Variants in DST observed in about 807,000 individuals in gnomAD.
DST encodes the protein dystonin, also known as bullous pemphigoid antigen.
A neutral mutation model predicts 875.2 loss-of-function variants in DST; 253 were observed. That is an observed-to-expected ratio of 0.29 (90% CI 0.26 to 0.32). The LOEUF is 0.32. Ranked by LOEUF, DST falls within the 10% of genes least tolerant of loss-of-function variation. The probability of loss-of-function intolerance (pLI) is 1.00; values close to 1 mark genes in which losing one functional copy is unlikely to be tolerated. For missense variants in DST, 8,287 were observed against 9,111.6 expected, an observed-to-expected ratio of 0.91 and a Z score of 3.68; for synonymous variants, 3,124 against 3,197.1, an observed-to-expected ratio of 0.98 and a Z score of 0.77.
rs181653139 is a variant in DST, at chr6:56,690,649, T to C, written c.1047+9004A>G. On this transcript the variant is annotated intron_variant, in intron 9 of 103. Coordinates refer to ENST00000680361, the MANE Select transcript of DST (RefSeq NM_001374736.1). Reference sequence around the variant, plus strand: ...AAAAACTGATCACATAGGGAAGCTATGAAAAAGAACAAACAAAAGGAATGT... The same window carrying C: ...AAAAACTGATCACATAGGGAAGCTACGAAAAAGAACAAACAAAAGGAATGT... 5.8e-4 allele frequency among the ~76,000 whole-genome samples: 88 copies of C among 152,288 alleles called. 1 individual carries two copies. Among genetic ancestry groups the C allele is most frequent in the Non-Finnish European group, 1.2e-4 (8 of 68,006 alleles).
intron 4 of DST, among the ~76,000 whole-genome samples, chr6:56,763,684 T>TACAAAC (rs1554721699): frequency 8.5e-6 from 1 of 117,068 alleles, no homozygotes; most frequent in Non-Finnish European, 1.7e-5. Context: ...AAAATACCTA[T>TACAAAC]ACACACACAC....
intron 49 of DST, among the ~76,000 whole-genome samples, chr6:56,587,363 AAAG>A (rs1204012828): frequency 1.3e-5 from 2 of 152,226 alleles, no homozygotes; most frequent in Admixed American, 1.3e-4. Flanking sequence ...TTCAGAGAAA[AAAG>A]AATAAAAAGA....
chr6:56,501,510 TG>T lies in DST; in HGVS notation c.19740+9del. ...ATTTATAATTTCTTAAGAAAAGTCT[TG>T]GTATTTACCTGTCTGTTGATGATTC... On this transcript the variant is annotated intron_variant, in intron 79 of 103. Transcript: ENST00000680361. The T allele has an allele frequency of 2.7e-6, 4 of 1,494,928 alleles. No homozygotes were observed. Among genetic ancestry groups the T allele is most frequent in the Non-Finnish European group, 3.6e-6 (4 of 1,124,740 alleles). The allele number at this position is 1,494,928 out of a possible 1,614,324, so 92.6% of individuals were successfully genotyped here. A position where few individuals can be genotyped will look rare whatever the true frequency, so the allele number is the denominator to read the frequency against.
At chr6:56,498,200 G>T in intron 80 of DST, 147 bp from the exon 81 acceptor site, 1 of 749,216 alleles carries the variant, frequency 1.3e-6, no homozygotes, top group South Asian at 2.1e-5. Context: ...AAGAGATGGG[G>T]TCTTACTCTG....
At chr6:56,507,757 C>T (rs1312208360) in intron 75 of DST, among the ~76,000 whole-genome samples, 3 of 152,152 alleles carry the variant, frequency 2.0e-5, no homozygotes, top group Non-Finnish European at 4.4e-5. Flanking sequence ...GAAACATAGG[C>T]ATGAGCTAGG....
chr6:56,716,021 G>A (rs879365438), intron 5 of DST, among the ~76,000 whole-genome samples: 14 of 152,110 alleles, frequency 9.2e-5, no homozygotes, highest in African/African-American at 9.7e-5. Context: ...TTTCTCCTAT[G>A]AATCTGTCTG....
At chr6:56,492,161 C>A in intron 85 of DST, 66 bp downstream of exon 85, 2 of 1,339,800 alleles carry the variant, frequency 1.5e-6, no homozygotes, top group Non-Finnish European at 1.1e-6. Context: ...ACATCCATAA[C>A]ATATATTTCA....
intron 2 of DST, among the ~76,000 whole-genome samples, chr6:56,934,560 T>TATATATATA (rs1554267212): frequency 1.5e-4 from 16 of 106,484 alleles, no homozygotes; most frequent in African/African-American, 5.3e-4. Context: ...ATATATTATA[T>TATATATATA]TATATATATA....
At chr6:56,788,327 A>C (rs1161698587) in intron 4 of DST, among the ~76,000 whole-genome samples, 1 of 151,210 alleles carries the variant, frequency 6.6e-6, no homozygotes, top group Non-Finnish European at 1.5e-5. Context: ...TTAGCCTCCC[A>C]AGTAGTTGGG....
At chr6:56,904,223 G>C (rs1218178548) in intron 2 of DST, among the ~76,000 whole-genome samples, 1 of 152,176 alleles carries the variant, frequency 6.6e-6, no homozygotes, top group Non-Finnish European at 1.5e-5. Context: ...GTGGAAATAG[G>C]AAAATGAGTC....
At chr6:56,708,337 TATAAA>T (rs1455182601) in intron 5 of DST, among the ~76,000 whole-genome samples, 2 of 152,124 alleles carry the variant, frequency 1.3e-5, no homozygotes, top group African/African-American at 2.4e-5. Flanking sequence ...TTAGAAAATG[TATAAA>T]ATAAAAGCTA....
chr6:56,513,232 C>CTTT (rs5876513), intron 72 of DST, among the ~76,000 whole-genome samples: 3 of 142,104 alleles, frequency 2.1e-5, no homozygotes, highest in African/African-American at 2.6e-5. Context: ...TGAGAGGAGC[C>CTTT]TTTTTTTTTT....
rs1398204087 is a variant in DST, at chr6:56,897,986, G to C, written c.417+2435C>G. Among the ~76,000 whole-genome samples, 4 of 152,288 alleles carry C rather than the reference G, an allele frequency of 2.6e-5. No homozygotes were observed. In the East Asian group the frequency reaches 7.7e-4, roughly 29 times the overall value. ...CCCTTAGACCAGGAGTTGAAGGTAA[G>C]TAGGCTCCACCTATAGGCTGATGAA... On this transcript the variant is annotated intron_variant, in intron 3 of 103. Transcript: ENST00000680361.
chr6:56,841,444 T>C (rs1010923803), intron 4 of DST, among the ~76,000 whole-genome samples: 1 of 152,242 alleles, frequency 6.6e-6, no homozygotes, highest in Non-Finnish European at 1.5e-5. Flanking sequence ...TTAAGGGCAA[T>C]ACTGATTGTT....
chr6:56,690,118 T>G (rs2099217689), intron 9 of DST, among the ~76,000 whole-genome samples: 1 of 152,214 alleles, frequency 6.6e-6, no homozygotes, highest in Non-Finnish European at 1.5e-5. Context: ...TAAATTTCAT[T>G]GACAAGTAAA....
chr6:56,482,448 G>A (rs1325932790), intron 89 of DST: 1 of 527,976 alleles, frequency 1.9e-6, no homozygotes, highest in African/African-American at 1.9e-5. Context: ...CTTCCAAGCT[G>A]AGACATTACT....
At chr6:56,930,112 G>T (rs1371314025) in intron 2 of DST, among the ~76,000 whole-genome samples, 1 of 152,206 alleles carries the variant, frequency 6.6e-6, no homozygotes, top group Non-Finnish European at 1.5e-5. Context: ...ATTGTGTATG[G>T]GTAAGGACAC....
Position 56,532,417 on chromosome 6 carries a change from T to C in DST, c.17035A>G (p.Lys5679Glu), listed in dbSNP as rs1335018710. The C allele has an allele frequency of 6.2e-7, 1 of 1,613,640 alleles. No individual in the cohort carries two copies. The highest frequency in any genetic ancestry group is 1.1e-5 in the South Asian group (1 of 91,004). ...KIATTAEPAD[K>E]VKILKQLSLL... ...CTGAGCTGTTTCAAAATCTTCACTT[T>C]ATCTGCGGGCTCTGCTGTTGTAGCA... The change falls in exon 64 of 104, where the codon AAA (lysine) becomes GAA (glutamate). Residue 5679 changes from lysine (K) to glutamate (E), a missense_variant. This residue lies in a region of DST where 777 missense variants were observed against 764.8 expected (regional missense o/e 1.02). Coordinates refer to ENST00000680361, the MANE Select transcript of DST (RefSeq NM_001374736.1).
intron 80 of DST, 32 bp from the exon 81 acceptor site, chr6:56,498,085 A>G: frequency 2.5e-6 from 4 of 1,574,446 alleles, no homozygotes; most frequent in East Asian, 2.2e-5. Flanking sequence ...CATGTTTGCT[A>G]GTTTGTAACA....
Sources: allele counts gnomAD v4.1 joint callset (sites outside exome capture counted in the v4.1 genomes callset), GRCh38; gene constraint gnomAD v4.1.1; regional missense constraint gnomAD v4.1.1; transcripts MANE v1.5; gene names NCBI Gene and HGNC (gene_info 2026-07-23, HGNC 2026-07-21).